Variants in WDFY2 observed in about 807,000 individuals in gnomAD.
WDFY2 encodes WD repeat and FYVE domain-containing protein 2.
WDFY2 carries 36 observed loss-of-function variants against 56.4 expected under a neutral mutation model. That is an observed-to-expected ratio of 0.64 (90% CI 0.49 to 0.84). The LOEUF is 0.84. Ranked by LOEUF, WDFY2 falls within the 40% of genes least tolerant of loss-of-function variation. The pLI, the probability that WDFY2 is intolerant of heterozygous loss-of-function variation, is 0.00. For missense variants in WDFY2, 444 were observed against 512.2 expected (o/e 0.87, Z 1.29); for synonymous variants, 176 against 183.7 (o/e 0.96, Z 0.34).
intron 5 of WDFY2, 99 bp downstream of exon 5, chr13:51,719,447 A>G (rs966285273): frequency 7.4e-7 from 1 of 1,345,544 alleles, no homozygotes; most frequent in East Asian, 2.4e-5. Flanking sequence ...AGTTTTGTTA[A>G]TGACAGTTGC....
intron 5 of WDFY2, among the ~76,000 whole-genome samples, chr13:51,725,838 C>T (rs775566044): frequency 6.6e-6 from 1 of 152,004 alleles, no homozygotes; most frequent in Non-Finnish European, 1.5e-5. Context: ...GAACCACAGG[C>T]ATGTGCCACC....
chr13:51,738,909 G>A (rs1024798064), intron 6 of WDFY2, 140 bp from the exon 7 acceptor site: 4 of 1,109,758 alleles, frequency 3.6e-6, no homozygotes, highest in Non-Finnish European at 2.4e-6. Context: ...TCTCTTTGGG[G>A]ACTTACTTGA....
intron 1 of WDFY2, among the ~76,000 whole-genome samples, chr13:51,657,775 T>C (rs568905169): frequency 6.6e-6 from 1 of 152,336 alleles, no homozygotes; most frequent in Non-Finnish European, 1.5e-5. Context: ...ATTGTACTTT[T>C]CAATTCCAGA....
intron 6 of WDFY2, among the ~76,000 whole-genome samples, chr13:51,729,082 G>A (rs999217095): frequency 6.6e-5 from 10 of 151,986 alleles, no homozygotes; most frequent in African/African-American, 1.9e-4. Flanking sequence ...CTTCACCCAC[G>A]GCTTCTCAGC....
chr13:51,690,845 T>G (rs1277037648), intron 3 of WDFY2, among the ~76,000 whole-genome samples: 2 of 152,202 alleles, frequency 1.3e-5, no homozygotes, highest in Admixed American at 6.5e-5. Context: ...CTCCACACCC[T>G]CTCCAGCACC....
Position 51,697,699 on chromosome 13 carries a change from A to G in WDFY2, c.280-5897A>G, listed in dbSNP as rs191483770. Among the ~76,000 whole-genome samples the G allele has an allele frequency of 3.9e-5, 6 of 152,284 alleles. No individual in the cohort carries two copies. In the East Asian group the frequency reaches 1.2e-3, roughly 29 times the overall value. On this transcript the variant is annotated intron_variant, in intron 3 of 11. Coordinates refer to ENST00000298125, the MANE Select transcript of WDFY2 (RefSeq NM_052950.4). ...TAGGTAAAATTCTTTATTGCCTTCC[A>G]ATGGGATATTACGTAGCCATTAAAA...
At chr13:51,717,286 T>TG (rs1044976339) in intron 4 of WDFY2, among the ~76,000 whole-genome samples, 1 of 151,764 alleles carries the variant, frequency 6.6e-6, no homozygotes, top group African/African-American at 2.4e-5. Context: ...ATCTGAGTTT[T>TG]GGGGTTTTTT....
chr13:51,697,410 A>G (rs1035803474), intron 3 of WDFY2, among the ~76,000 whole-genome samples: 8 of 152,160 alleles, frequency 5.3e-5, no homozygotes, highest in Non-Finnish European at 8.8e-5. Flanking sequence ...AGGCAGGCAG[A>G]TTGCTGGAGC....
At chr13:51,676,378 G>T (rs569882714) in intron 3 of WDFY2, among the ~76,000 whole-genome samples, 1 of 152,164 alleles carries the variant, frequency 6.6e-6, no homozygotes, top group Non-Finnish European at 1.5e-5. Flanking sequence ...CCACAATATG[G>T]CGTGGAACTT....
At chr13:51,624,212 A>G (rs1954796436) in intron 1 of WDFY2, among the ~76,000 whole-genome samples, 1 of 152,214 alleles carries the variant, frequency 6.6e-6, no homozygotes, top group African/African-American at 2.4e-5. Context: ...GCGGGAGTTC[A>G]GATTTGATTC....
intron 1 of WDFY2, among the ~76,000 whole-genome samples, chr13:51,644,354 C>G (rs939149826): frequency 2.0e-5 from 3 of 152,170 alleles, no homozygotes; most frequent in Non-Finnish European, 4.4e-5. Context: ...ACAACCATTT[C>G]CAGGTATATT....
At chr13:51,646,506 T>G (rs943919236) in intron 1 of WDFY2, among the ~76,000 whole-genome samples, 1 of 152,244 alleles carries the variant, frequency 6.6e-6, no homozygotes, top group African/African-American at 2.4e-5. Flanking sequence ...TGTAATGTTC[T>G]ATGACCTGTC....
intron 2 of WDFY2, among the ~76,000 whole-genome samples, chr13:51,664,406 A>G (rs1955664867): frequency 6.6e-6 from 1 of 152,230 alleles, no homozygotes; most frequent in Admixed American, 6.5e-5. Context: ...TACTGGGAAC[A>G]TATAAACCCA....
chr13:51,755,648 A>G (rs1953356516), intron 9 of WDFY2, among the ~76,000 whole-genome samples, 189 bp downstream of exon 9: 2 of 152,166 alleles, frequency 1.3e-5, no homozygotes, highest in Admixed American at 6.5e-5. Flanking sequence ...CAGTTTCTGT[A>G]GTGGTTGGTT....
At chr13:51,707,508 C>A (rs1361648780) in intron 4 of WDFY2, among the ~76,000 whole-genome samples, 1 of 152,060 alleles carries the variant, frequency 6.6e-6, no homozygotes, top group Non-Finnish European at 1.5e-5. Context: ...GAATTATATA[C>A]CCAGAGAAAG....
rs1953766653 is a variant in WDFY2, at chr13:51,766,848, TTGCTGTGCTGTTTAGCCCTGTGGGTTC to T, written c.*7082_*7108del. The T allele has an allele frequency of 6.6e-6, 1 of 152,228 alleles. No homozygotes were observed. The highest frequency in any genetic ancestry group is 6.5e-5 in the Admixed American group (1 of 15,274). The allele number at this position is 152,228 out of a possible 1,614,324, so 9.4% of individuals were successfully genotyped here. A position where few individuals can be genotyped will look rare whatever the true frequency, so the allele number is the denominator to read the frequency against. On this transcript the variant is annotated 3_prime_UTR_variant, in exon 12 of 12. Coordinates refer to ENST00000298125, the MANE Select transcript of WDFY2 (RefSeq NM_052950.4). ...TGTGGCCACGCACACACCGACAACC[TTGCTGTGCTGTTTAGCCCTGTGGGTTC>T]TGTCCAGTTGGTGGGAGGGGGAGGT...
intron 2 of WDFY2, 125 bp downstream of exon 2, chr13:51,660,788 T>A (rs1955598233): frequency 1.3e-6 from 1 of 750,328 alleles, no homozygotes; most frequent in African/African-American, 1.8e-5. Context: ...AGTACCATAT[T>A]AAATCATTTT....
chr13:51,659,854 T>C (rs1022812433), intron 1 of WDFY2, among the ~76,000 whole-genome samples: 3 of 152,208 alleles, frequency 2.0e-5, no homozygotes, highest in African/African-American at 7.2e-5. Flanking sequence ...ATGGACTGTA[T>C]AATCATTCTG....
At chr13:51,600,320 G>C (rs1222113252) in intron 1 of WDFY2, among the ~76,000 whole-genome samples, 19 of 152,204 alleles carry the variant, frequency 1.2e-4, no homozygotes, top group Admixed American at 1.2e-3. Context: ...CCTGGTAGGA[G>C]ACTCAAGTAT....
Sources: gnomAD v4.1 joint callset for allele counts (sites outside exome capture counted in the v4.1 genomes callset) on GRCh38, gnomAD v4.1.1 for gene constraint, MANE v1.5 for transcripts, NCBI Gene and HGNC (gene_info 2026-07-23, HGNC 2026-07-21) for gene names.